SPEF2: variants seen among roughly 807,000 people sequenced by gnomAD.
SPEF2 encodes sperm flagellar and cilia associated 2, also known as sperm flagella and cilia-associated protein 2.
A neutral mutation model predicts 224.6 loss-of-function variants in SPEF2; 187 were observed. The ratio of observed to expected loss-of-function variants is 0.83; its 90% CI spans 0.74 to 0.94. The LOEUF is 0.94. SPEF2 is among the 40% of genes least tolerant of loss of function. SPEF2 has a pLI of 0.00. For synonymous variants in SPEF2, 715 were observed against 707.3 expected, an observed-to-expected ratio of 1.01 and a Z score of -0.17; for missense variants, 2,170 against 2,135.6, an observed-to-expected ratio of 1.02 and a Z score of -0.32.
intron 23 of SPEF2, 119 bp from the exon 24 acceptor site, chr5:35,753,505 T>C (rs1749993659): frequency 1.5e-6 from 2 of 1,313,214 alleles, no homozygotes; most frequent in Middle Eastern, 2.7e-4. Context: ...GGAGTGCAAT[T>C]GGTGTAAAAT....
intron 20 of SPEF2, among the ~76,000 whole-genome samples, chr5:35,720,107 G>A (rs1580438705): frequency 6.6e-6 from 1 of 152,176 alleles, no homozygotes; most frequent in Admixed American, 6.5e-5. Context: ...AAGAAAAATG[G>A]ATTTTTATTG....
chr5:35,743,900 G>A (rs575773658), intron 23 of SPEF2, among the ~76,000 whole-genome samples: 2 of 152,080 alleles, frequency 1.3e-5, no homozygotes, highest in Non-Finnish European at 2.9e-5. Context: ...CACCCTCTGA[G>A]GCAGGCACTA....
chr5:35,745,683 A>G (rs1392855216), intron 23 of SPEF2, among the ~76,000 whole-genome samples: 1 of 152,186 alleles, frequency 6.6e-6, no homozygotes, highest in Admixed American at 6.5e-5. Flanking sequence ...CCCAAGGAGA[A>G]TCTGAGCTCA....
chr5:35,649,828 A>G (rs930777687), intron 6 of SPEF2, among the ~76,000 whole-genome samples: 1 of 152,246 alleles, frequency 6.6e-6, no homozygotes, highest in Non-Finnish European at 1.5e-5. Flanking sequence ...AGCAGTAAGA[A>G]GTTGAGTGAA....
At chr5:35,768,434 G>A (rs1252830153) in intron 26 of SPEF2, among the ~76,000 whole-genome samples, 1 of 152,090 alleles carries the variant, frequency 6.6e-6, no homozygotes, top group Non-Finnish European at 1.5e-5. Flanking sequence ...CTTAGAAAGG[G>A]AGGATCATAT....
chr5:35,621,759 T>A (rs1743549700), intron 1 of SPEF2, among the ~76,000 whole-genome samples: 1 of 152,200 alleles, frequency 6.6e-6, no homozygotes, highest in African/African-American at 2.4e-5. Flanking sequence ...ATTTGCTGCC[T>A]TATGGGGCTA....
intron 20 of SPEF2, among the ~76,000 whole-genome samples, chr5:35,719,329 C>T (rs1743192204): frequency 6.6e-6 from 1 of 152,164 alleles, no homozygotes; most frequent in Non-Finnish European, 1.5e-5. Flanking sequence ...CTCTCTCTCC[C>T]ATCTTCATTT....
At position 35,740,489 on chromosome 5, in the gene SPEF2, G is replaced by A. The variant is rs558734750; in HGVS notation, c.3330+222G>A. On this transcript the variant is annotated intron_variant, in intron 23 of 36. Transcript: ENST00000356031. ...CTTCTGGAAAGAGGGGCCAAAGTCC[G>A]CACTGCGAGAACATTCTGGGCATCT... Among the ~76,000 whole-genome samples the A allele has an allele frequency of 1.2e-4, 18 of 152,276 alleles. 3 individuals carry two copies. In the South Asian group the frequency reaches 1.2e-3, roughly 11 times the overall value.
rs369119611 is a variant in SPEF2 at position 35,643,861 on chromosome 5, C to A, written c.415-494C>A. ...TTTTACAGATGATGAAACTAAGGCA[C>A]GGATGGATTAGGTAACTCGCCCAAT... On this transcript the variant is annotated intron_variant, in intron 3 of 36. Transcript: ENST00000356031. Among the ~76,000 whole-genome samples, 6 of 152,070 alleles carry A rather than the reference C, an allele frequency of 3.9e-5. 1 individual carries two copies.
intron 35 of SPEF2, 50 bp from the exon 36 acceptor site, chr5:35,807,081 A>G (rs1269070823): frequency 6.3e-7 from 1 of 1,577,012 alleles, no homozygotes; most frequent in African/African-American, 1.4e-5. Flanking sequence ...TTTTTTTAAC[A>G]TCTACTGGAT....
At chr5:35,734,821 C>T (rs1746296510) in intron 21 of SPEF2, among the ~76,000 whole-genome samples, 1 of 150,498 alleles carries the variant, frequency 6.6e-6, no homozygotes, top group Non-Finnish European at 1.5e-5. Flanking sequence ...AAGCGATTCT[C>T]CTGCCTCAGC....
At chr5:35,668,150 A>T (rs988582539) in intron 9 of SPEF2, among the ~76,000 whole-genome samples, 1 of 152,076 alleles carries the variant, frequency 6.6e-6, no homozygotes, top group Non-Finnish European at 1.5e-5. Context: ...TAGCAATTAC[A>T]CTTCTGGGCA....
chr5:35,767,567 T>TG (rs35369867), intron 26 of SPEF2, among the ~76,000 whole-genome samples: 3 of 151,922 alleles, frequency 2.0e-5, no homozygotes, highest in East Asian at 3.9e-4. Flanking sequence ...CAAGCTAACA[T>TG]GGGGGGAAGA....
At chr5:35,634,069 A>G (rs996047251) in intron 2 of SPEF2, among the ~76,000 whole-genome samples, 1 of 152,026 alleles carries the variant, frequency 6.6e-6, no homozygotes, top group South Asian at 2.1e-4. Flanking sequence ...AAATATATTT[A>G]AACTATTTTT....
intron 30 of SPEF2, chr5:35,789,068 T>C: frequency 1.5e-6 from 1 of 681,554 alleles, no homozygotes; most frequent in Non-Finnish European, 2.7e-6. Context: ...TTTTGCTTTT[T>C]CAGAATCACA....
chr5:35,701,380 C>A (rs557955597), intron 16 of SPEF2, among the ~76,000 whole-genome samples: 1 of 152,288 alleles, frequency 6.6e-6, no homozygotes, highest in South Asian at 2.1e-4. Context: ...GCCTTGGTGT[C>A]ACAACCTATA....
At chr5:35,761,845 A>G (rs1363898564) in intron 25 of SPEF2, among the ~76,000 whole-genome samples, 2 of 152,212 alleles carry the variant, frequency 1.3e-5, no homozygotes. Flanking sequence ...GAAACTGGCA[A>G]AAGAACATCC....
intron 6 of SPEF2, among the ~76,000 whole-genome samples, chr5:35,651,483 G>C (rs1187950901): frequency 1.3e-5 from 2 of 152,178 alleles, no homozygotes; most frequent in African/African-American, 4.8e-5. Flanking sequence ...ATCCTTTCCA[G>C]TGTGTTGCAC....
At chr5:35,682,609 TA>T (rs768168937) in intron 10 of SPEF2, among the ~76,000 whole-genome samples, 6 of 152,216 alleles carry the variant, frequency 3.9e-5, no homozygotes, top group Non-Finnish European at 8.8e-5. Flanking sequence ...ACCTTCAGAC[TA>T]GTACCACTCC....
Sources: allele counts gnomAD v4.1 joint callset (sites outside exome capture counted in the v4.1 genomes callset), GRCh38; gene constraint gnomAD v4.1.1; transcripts MANE v1.5; gene names NCBI Gene and HGNC (gene_info 2026-07-23, HGNC 2026-07-21).